CDC27: variants seen among roughly 807,000 people sequenced by gnomAD.
CDC27 encodes the protein cell division cycle protein 27 homolog.
Under a neutral mutation model 109.7 loss-of-function variants are expected in CDC27, and 27 were observed. That is an observed-to-expected ratio of 0.25 (90% CI 0.18 to 0.34). CDC27 has a LOEUF of 0.34. Among genes scored for constraint, CDC27 ranks in the 10% least tolerant of loss-of-function variants. The pLI, the probability that CDC27 is intolerant of heterozygous loss-of-function variation, is 1.00. For missense variants in CDC27, 579 were observed against 960.2 expected, an observed-to-expected ratio of 0.60 and a Z score of 5.25; for synonymous variants, 266 against 333.9, an observed-to-expected ratio of 0.80 and a Z score of 2.22.
At chr17:47,171,248 T>A (rs1157761432) in intron 3 of CDC27, among the ~76,000 whole-genome samples, 1 of 152,236 alleles carries the variant, frequency 6.6e-6, no homozygotes, top group Admixed American at 6.5e-5. Context: ...TAAAAAGCCA[T>A]CAATTAGTCA....
chr17:47,179,466 A>T (rs1379918513), intron 2 of CDC27, among the ~76,000 whole-genome samples: 2 of 152,242 alleles, frequency 1.3e-5, no homozygotes. Context: ...GGAATCAGAC[A>T]GATTACTAGT....
At chr17:47,172,719 C>CT (rs1042164166) in intron 2 of CDC27, among the ~76,000 whole-genome samples, 1 of 152,150 alleles carries the variant, frequency 6.6e-6, no homozygotes, top group Non-Finnish European at 1.5e-5. Context: ...GAAATGCCCC[C>CT]TGCCTTCTTA....
intron 13 of CDC27, among the ~76,000 whole-genome samples, chr17:47,138,121 A>T (rs962800150): frequency 6.6e-6 from 1 of 152,104 alleles, no homozygotes; most frequent in Non-Finnish European, 1.5e-5. Context: ...TTTTGTAAAG[A>T]AAATAGGATC....
intron 12 of CDC27, among the ~76,000 whole-genome samples, chr17:47,139,518 C>T (rs530809144): frequency 2.6e-5 from 4 of 152,198 alleles, no homozygotes; most frequent in Admixed American, 6.5e-5. Flanking sequence ...CCACCCGCCT[C>T]GGCCTCCCAA....
At chr17:47,187,254 C>G (rs541175937) in intron 1 of CDC27, among the ~76,000 whole-genome samples, 1 of 152,238 alleles carries the variant, frequency 6.6e-6, no homozygotes, top group East Asian at 1.9e-4. Context: ...TGGGTACTAT[C>G]TAGAAACAGG....
intron 16 of CDC27, among the ~76,000 whole-genome samples, chr17:47,125,107 T>C (rs2062094380): frequency 6.6e-6 from 1 of 151,638 alleles, no homozygotes; most frequent in Non-Finnish European, 1.5e-5. Context: ...TTAGTAGAGA[T>C]GGGGTTTCAC....
chr17:47,189,104 C>T, intron 1 of CDC27, 42 bp downstream of exon 1: 2 of 1,606,264 alleles, frequency 1.2e-6, no homozygotes, highest in Non-Finnish European at 1.7e-6. Context: ...GCTTCCCGAC[C>T]GAGGCTGCCA....
At chr17:47,148,244 T>C (rs1272794052) in intron 9 of CDC27, among the ~76,000 whole-genome samples, 4 of 147,158 alleles carry the variant, frequency 2.7e-5, no homozygotes, top group Non-Finnish European at 6.0e-5. Context: ...AATCTAGAGA[T>C]GAAAGACAAA....
intron 14 of CDC27, among the ~76,000 whole-genome samples, chr17:47,133,071 A>ACACG (rs1555783985): frequency 1.2e-5 from 1 of 82,616 alleles, no homozygotes. Context: ...ATACACACAC[A>ACACG]CACACACACA....
At chr17:47,150,629 T>TGTTTA (rs1306212305) in intron 9 of CDC27, among the ~76,000 whole-genome samples, 1 of 152,256 alleles carries the variant, frequency 6.6e-6, no homozygotes, top group Non-Finnish European at 1.5e-5. Flanking sequence ...AAGTATCTGT[T>TGTTTA]GTTTTAAGAC....
intron 18 of CDC27, 26 bp from the exon 19 acceptor site, chr17:47,121,043 A>C: frequency 6.7e-7 from 1 of 1,498,744 alleles, no homozygotes. Context: ...AGAAGTCCAC[A>C]GTAAGTTTTC....
chr17:47,178,273 C>T (rs1301204729), intron 2 of CDC27, among the ~76,000 whole-genome samples: 2 of 152,056 alleles, frequency 1.3e-5, no homozygotes, highest in South Asian at 2.1e-4. Flanking sequence ...CAGTGGCTCA[C>T]GTCTGTAATC....
Position 47,122,505 on chromosome 17 carries a change from C to T in CDC27, c.2331G>A (p.Glu777=). 6.2e-7 allele frequency: 1 copy of T among 1,610,860 alleles called. No homozygotes were observed. The highest frequency in any genetic ancestry group is 8.5e-7 in the Non-Finnish European group (1 of 1,178,122). ...DPKGANNQIK[E]AIDKRYLPDD... The stretch of plus-strand genomic sequence containing the variant: ...CTGGAAGATAACGCTTATCAATTGC[C>T]TCTTTAATCTGGTTATTGGCTCCTT... The change falls in exon 18 of 19, where the codon GAG becomes GAA. Residue 777 remains glutamate, a synonymous_variant. Coordinates refer to ENST00000066544, the MANE Select transcript of CDC27 (RefSeq NM_001256.6).
At chr17:47,181,662 A>T in intron 1 of CDC27, 25 bp from the exon 2 acceptor site, 1 of 1,359,224 alleles carries the variant, frequency 7.4e-7, no homozygotes, top group Non-Finnish European at 1.0e-6. Flanking sequence ...AAAAGAACAT[A>T]AATATACATA....
At chr17:47,174,488 T>TA (rs2063919713) in intron 2 of CDC27, among the ~76,000 whole-genome samples, 2 of 152,214 alleles carry the variant, frequency 1.3e-5, no homozygotes, top group Non-Finnish European at 2.9e-5. Context: ...CAGACTTAAT[T>TA]AAAATATGGG....
intron 13 of CDC27, 118 bp downstream of exon 13, chr17:47,138,620 GA>G: frequency 4.4e-5 from 29 of 654,908 alleles, no homozygotes; most frequent in Admixed American, 6.3e-5. Context: ...AGAGAGAGAG[GA>G]AAAAAAAGAA....
At chr17:47,159,551 A>G (rs922048762) in intron 4 of CDC27, 29 of 492,460 alleles carry the variant, frequency 5.9e-5, no homozygotes, top group Non-Finnish European at 9.4e-5. Flanking sequence ...GGGCTTGCCA[A>G]TCTTGTTCCC....
chr17:47,158,644 G>A (rs2063394139), intron 4 of CDC27, among the ~76,000 whole-genome samples: 1 of 147,480 alleles, frequency 6.8e-6, no homozygotes, highest in Admixed American at 6.8e-5. Flanking sequence ...TTTTGGACAA[G>A]GTCTGGCTCT....
Position 47,120,679 on chromosome 17 carries a change from C to T in CDC27, c.*256G>A, listed in dbSNP as rs2061960121. ...CCAACAAAGGGAGATTAAAGAAAAACAGAAAAGAAAGTTCCCCACCCTACC... is the reference window on the plus strand; with the variant it reads ...CCAACAAAGGGAGATTAAAGAAAAATAGAAAAGAAAGTTCCCCACCCTACC... On this transcript the variant is annotated 3_prime_UTR_variant, in exon 19 of 19. Coordinates refer to ENST00000066544, the MANE Select transcript of CDC27 (RefSeq NM_001256.6). 2 of 351,026 alleles carry T rather than the reference C, an allele frequency of 5.7e-6. No individual in the cohort carries two copies. Among genetic ancestry groups the T allele is most frequent in the African/African-American group, 2.1e-5 (1 of 47,660 alleles). 21.7% of individuals were successfully genotyped at this position (351,026 alleles called of 1,614,324 possible).
Sources: gnomAD v4.1 joint callset for allele counts (sites outside exome capture counted in the v4.1 genomes callset) on GRCh38, gnomAD v4.1.1 for gene constraint, MANE v1.5 for transcripts, NCBI Gene and HGNC (gene_info 2026-07-23, HGNC 2026-07-21) for gene names.